CEP15: variants seen among roughly 807,000 people sequenced by gnomAD.
CEP15 encodes centrosomal protein 15, also known as centrosomal protein 15 kDa.
the CEP15 span, among the ~76,000 whole-genome samples, chr3:62,325,678 C>T: frequency 1.3e-5 from 2 of 152,170 alleles, no homozygotes; most frequent in Admixed American, 6.5e-5. Flanking sequence ...TACTGCCACA[C>T]TGTAAGCTGA....
chr3:62,335,293 C>G, the CEP15 span: 1 of 151,940 alleles, frequency 6.6e-6, no homozygotes, highest in African/African-American at 2.4e-5. Context: ...GGGTTACGAT[C>G]GAGGGCAGAA....
the CEP15 span, among the ~76,000 whole-genome samples, chr3:62,330,723 A>G: frequency 6.6e-6 from 1 of 152,206 alleles, no homozygotes; most frequent in Non-Finnish European, 1.5e-5. Context: ...TAGTACTAAA[A>G]AAATCTAGAC....
At chr3:62,320,337 C>A in the CEP15 span, 1 of 622,734 alleles carries the variant, frequency 1.6e-6, no homozygotes, top group Non-Finnish European at 2.7e-6. Flanking sequence ...TACATTATTA[C>A]ATCTTAAGTT....
the CEP15 span, among the ~76,000 whole-genome samples, chr3:62,332,983 G>A: frequency 2.0e-5 from 3 of 152,074 alleles, no homozygotes; most frequent in African/African-American, 7.2e-5. Flanking sequence ...ACAAGAGGGC[G>A]TGTAAAATCA....
the CEP15 span, chr3:62,320,425 G>T: frequency 6.7e-7 from 1 of 1,499,524 alleles, no homozygotes; most frequent in Non-Finnish European, 9.2e-7. Context: ...ACATGTGGTA[G>T]AAGTAACTTT....
chr3:62,331,245 G>C, the CEP15 span: 13 of 1,202,712 alleles, frequency 1.1e-5, no homozygotes, highest in South Asian at 1.5e-4. Context: ...TGAGAGATTT[G>C]GGATACAGAT....
the CEP15 span, chr3:62,333,677 A>T: frequency 2.0e-5 from 3 of 150,280 alleles, no homozygotes; most frequent in Admixed American, 6.9e-5. This position sits in a 1 kb window ranked among gnomAD's most constrained non-coding sequence, Gnocchi z 4.0. Context: ...GTGTTGCTTT[A>T]AAAAAAAAAA....
the CEP15 span, chr3:62,334,952 C>T: frequency 6.6e-6 from 1 of 151,620 alleles, no homozygotes; most frequent in Non-Finnish European, 1.5e-5. This position sits in a 1 kb window ranked among gnomAD's most constrained non-coding sequence, Gnocchi z 4.9. Context: ...CCAATCTTTC[C>T]CAGCATATGC....
At chr3:62,330,172 C>T in the CEP15 span, among the ~76,000 whole-genome samples, 1 of 152,144 alleles carries the variant, frequency 6.6e-6, no homozygotes, top group Non-Finnish European at 1.5e-5. Context: ...CACACCCATT[C>T]CTTGCTCCCG....
the CEP15 span, chr3:62,322,192 G>A: frequency 1.1e-6 from 1 of 876,658 alleles, no homozygotes. The surrounding 1 kb of genome is among the most constrained non-coding windows in gnomAD (Gnocchi z 5.5). Context: ...TTTTTTAAAA[G>A]CCCATGTCAG....
At chr3:62,328,822 T>C in the CEP15 span, among the ~76,000 whole-genome samples, 1 of 151,994 alleles carries the variant, frequency 6.6e-6, no homozygotes, top group Non-Finnish European at 1.5e-5. Context: ...TCTGGTAGTA[T>C]ATAATCAAAG....
chr3:62,331,483 G>A, the CEP15 span: 6 of 1,122,698 alleles, frequency 5.3e-6, no homozygotes, highest in Non-Finnish European at 8.0e-6. Flanking sequence ...ATGGTTATGT[G>A]TATTTTCCAG....
At chr3:62,333,319 C>T in the CEP15 span, 2 of 1,611,646 alleles carry the variant, frequency 1.2e-6, no homozygotes, top group South Asian at 1.1e-5. This position sits in a 1 kb window ranked among gnomAD's most constrained non-coding sequence, Gnocchi z 4.0. Flanking sequence ...TTAGGAAGAG[C>T]ACCATATCCT....
the CEP15 span, among the ~76,000 whole-genome samples, chr3:62,330,009 G>A: frequency 6.6e-6 from 1 of 152,036 alleles, no homozygotes; most frequent in South Asian, 2.1e-4. Flanking sequence ...ATTAACTTCC[G>A]GTATGGGATA....
the CEP15 span, among the ~76,000 whole-genome samples, chr3:62,325,631 A>G: frequency 6.6e-6 from 1 of 152,312 alleles, no homozygotes; most frequent in Admixed American, 6.5e-5. Flanking sequence ...ATTGGTATAG[A>G]TTTGAAAGAG....
chr3:62,331,247 G>A, the CEP15 span: 6 of 1,227,940 alleles, frequency 4.9e-6, no homozygotes, highest in South Asian at 1.2e-5. Flanking sequence ...AGAGATTTGG[G>A]ATACAGATAT....
chr3:62,333,711 G>T, the CEP15 span: 1 of 176,636 alleles, frequency 5.7e-6, no homozygotes, highest in Admixed American at 6.2e-5. This position sits in a 1 kb window ranked among gnomAD's most constrained non-coding sequence, Gnocchi z 4.0. Flanking sequence ...TCTCCTCTAA[G>T]CAGGTATCTT....
chr3:62,328,620 C>A, the CEP15 span, among the ~76,000 whole-genome samples: 2 of 152,292 alleles, frequency 1.3e-5, no homozygotes, highest in Admixed American at 6.5e-5. Context: ...AGCATTGCCT[C>A]CCTTTTCGCC....
chr3:62,328,898 G>GTTT, the CEP15 span, among the ~76,000 whole-genome samples: 7 of 131,688 alleles, frequency 5.3e-5, no homozygotes, highest in Non-Finnish European at 9.8e-5. Context: ...AAATTGCGAA[G>GTTT]TTTTTTTTTT....
Sources: gnomAD v4.1 joint callset for allele counts (sites outside exome capture counted in the v4.1 genomes callset) on GRCh38, gnomAD v4.1.1 for gene constraint, Gnocchi (gnomAD v3.1) non-coding constraint, MANE v1.5 for transcripts, NCBI Gene and HGNC (gene_info 2026-07-23, HGNC 2026-07-21) for gene names.